The following IQCE variants were observed in gnomAD, a reference collection of about 807,000 sequenced individuals.
IQCE encodes the protein IQ motif containing E, also known as IQ domain-containing protein E.
A neutral mutation model predicts 96.0 loss-of-function variants in IQCE; 115 were observed. The observed-to-expected ratio is 1.20, with a 90% CI of 1.03 to 1.40. The LOEUF (loss-of-function observed/expected upper bound fraction) is 1.40. IQCE is among the 40% of genes most tolerant of loss of function. IQCE has a pLI of 0.00. For synonymous variants in IQCE, 412 were observed against 371.2 expected, an observed-to-expected ratio of 1.11 and a Z score of -1.26; for missense variants, 1,041 against 909.1, an observed-to-expected ratio of 1.15 and a Z score of -1.87.
chr7:2,607,276 G>C, intron 21 of IQCE, 49 bp downstream of exon 21: 2 of 1,611,718 alleles, frequency 1.2e-6, no homozygotes, highest in Non-Finnish European at 1.7e-6. Flanking sequence ...GGTCTGCTGA[G>C]GTCTCAGCCA....
At position 2,589,888 on chromosome 7, in the gene IQCE, A is replaced by T; in HGVS notation, c.1045-19A>T. 1 of 1,610,966 alleles carries T rather than the reference A, an allele frequency of 6.2e-7. No homozygotes were observed. The highest frequency in any genetic ancestry group is 8.5e-7 in the Non-Finnish European group (1 of 1,177,852). On this transcript the variant is annotated intron_variant, in intron 13 of 21. Transcript: ENST00000402050. The stretch of plus-strand genomic sequence containing the variant: ...AGAAATGAGAACTAGTATCTAACAC[A>T]TGTCTGTGTTGCCTCCAGAAACTAA...
At chr7:2,600,775 G>A (rs978000797) in intron 17 of IQCE, among the ~76,000 whole-genome samples, 4 of 152,204 alleles carry the variant, frequency 2.6e-5, no homozygotes, top group South Asian at 2.1e-4. Context: ...TCATCCGGCC[G>A]TGGTGGTCAT....
rs757021666 is a variant in IQCE at position 2,572,346 on chromosome 7, C to T, written c.394+20C>T. The T allele has an allele frequency of 9.9e-6, 16 of 1,611,280 alleles. No homozygotes were observed. In the South Asian group the frequency reaches 1.3e-4, roughly 13 times the overall value. ...GCAACGGTGAGCATGCCGATGGTGGCGAGGCTGAGGCCAAGGAAGAGCAGA... is the reference window on the plus strand; with the variant it reads ...GCAACGGTGAGCATGCCGATGGTGGTGAGGCTGAGGCCAAGGAAGAGCAGA... On this transcript the variant is annotated intron_variant, in intron 5 of 21. Transcript: ENST00000402050.
chr7:2,570,943 C>T (rs1781709799), intron 3 of IQCE, among the ~76,000 whole-genome samples: 1 of 152,182 alleles, frequency 6.6e-6, no homozygotes, highest in African/African-American at 2.4e-5. Flanking sequence ...ACACGCACAT[C>T]TCTCAAAATT....
intron 6 of IQCE, among the ~76,000 whole-genome samples, chr7:2,577,568 C>T (rs544943020): frequency 2.4e-5 from 3 of 123,718 alleles, no homozygotes; most frequent in South Asian, 5.2e-4. Context: ...CGCGCGGGGA[C>T]GTGTGTGCGG....
chr7:2,575,313 C>T (rs181287871), intron 6 of IQCE, among the ~76,000 whole-genome samples: 23 of 152,330 alleles, frequency 1.5e-4, no homozygotes, highest in Admixed American at 9.8e-4. Context: ...ACACCTGCAC[C>T]GGGAGGGGCT....
intron 3 of IQCE, 162 bp from the exon 4 acceptor site, chr7:2,571,364 G>C: frequency 1.2e-6 from 1 of 813,358 alleles, no homozygotes; most frequent in Non-Finnish European, 2.0e-6. Context: ...AGAAATGTCA[G>C]TATATAGGTA....
rs1186157015 is a variant in IQCE at position 2,584,679 on chromosome 7, C to G, written c.824+394C>G. 1.5e-5 allele frequency: 3 copies of G among 193,686 alleles called. No homozygotes were observed. The South Asian group carries it at 3.0e-4, about 19-fold the overall frequency. The allele number at this position is 193,686 out of a possible 1,614,324, so 12.0% of individuals were successfully genotyped here. On this transcript the variant is annotated intron_variant, in intron 11 of 21. Transcript: ENST00000402050. ...GTTTATCAGGAGAAACACCGAGGTT[C>G]TCCTTGTCTGGTAGATCTCCCACAT... is the stretch of plus-strand genomic sequence containing the variant.
intron 8 of IQCE, among the ~76,000 whole-genome samples, chr7:2,581,741 G>A (rs12700094): frequency 0.4 from 57,296 of 143,900 alleles, 11,640 homozygotes; most frequent in Middle Eastern, 0.44. Context: ...ATGGAGTCTC[G>A]CTCTGTCACC....
At chr7:2,588,757 C>T (rs1175678695) in intron 13 of IQCE, among the ~76,000 whole-genome samples, 2 of 145,650 alleles carry the variant, frequency 1.4e-5, no homozygotes, top group East Asian at 2.0e-4. Flanking sequence ...TTTTTGCCTC[C>T]TGGGTTCAGG....
rs575130642 is a variant in IQCE, at chr7:2,572,532, G to A, written c.394+206G>A. 5.3e-5 allele frequency among the ~76,000 whole-genome samples: 8 copies of A among 152,298 alleles called. No individual in the cohort carries two copies. In the South Asian group the frequency reaches 1.7e-3, roughly 32 times the overall value. On this transcript the variant is annotated intron_variant, in intron 5 of 21. Coordinates refer to ENST00000402050, the MANE Select transcript of IQCE (RefSeq NM_152558.5). ...CCTGCCCCAGAAGGTAGCTTTCCTC[G>A]TGGGTGCAGGGATATCTCGCCAGGT...
rs1274556546 is a variant in IQCE, at chr7:2,598,488, T to C, written c.1464T>C (p.Thr488=). Residue 488 remains threonine (T), a synonymous_variant, in exon 17 of 22, where the codon ACT becomes ACC. Coordinates refer to ENST00000402050, the MANE Select transcript of IQCE (RefSeq NM_152558.5). The part of the protein sequence containing the change: ...PHKAQELPAP[T]PSSRHCEQDW... The stretch of plus-strand genomic sequence containing the variant: ...AGGCCCAAGAGCTCCCAGCTCCCAC[T>C]CCCAGCAGCAGGCACTGCGAGCAAG... The C allele has an allele frequency of 6.3e-7, 1 of 1,594,084 alleles. No homozygotes were observed. Among genetic ancestry groups the C allele is most frequent in the Non-Finnish European group, 8.5e-7 (1 of 1,170,836 alleles).
chr7:2,600,324 G>A (rs967589171), intron 17 of IQCE, among the ~76,000 whole-genome samples: 1 of 152,218 alleles, frequency 6.6e-6, no homozygotes, highest in Non-Finnish European at 1.5e-5. Context: ...GGACGTGGAT[G>A]GACCAGGCCG....
intron 21 of IQCE, among the ~76,000 whole-genome samples, 197 bp from the exon 22 acceptor site, chr7:2,609,847 G>C (rs932818120): frequency 1.4e-4 from 22 of 152,006 alleles, no homozygotes; most frequent in African/African-American, 4.1e-4. Flanking sequence ...GTGTGAGTTG[G>C]TCCTGAGGGC....
rs1326389252 is a variant in IQCE at position 2,590,035 on chromosome 7, G to C, written c.1173G>C (p.Glu391Asp). The change falls in exon 14 of 22, where the codon GAG (glutamate) becomes GAC (aspartate). Residue 391 changes from glutamate (E) to aspartate (D), a missense_variant. Physicochemically the swap from Glu to Asp is conservative, Grantham distance 45. Transcript: ENST00000402050. ...GAGGGGACCGCAACAAGGACCACGA[G>C]CGTCTCCGAGGGGCTGTGAGAGACC... Reference protein sequence around the residue: ...QPRGDRNKDHERLRGAVRDLK... With the variant: ...QPRGDRNKDHDRLRGAVRDLK... The C allele has an allele frequency of 6.2e-7, 1 of 1,613,734 alleles. No homozygotes were observed. The highest frequency in any genetic ancestry group is 1.1e-5 in the South Asian group (1 of 91,084).
At chr7:2,609,984 G>T (rs1014512035) in intron 21 of IQCE, 60 bp from the exon 22 acceptor site, 4 of 927,346 alleles carry the variant, frequency 4.3e-6, no homozygotes, top group South Asian at 2.6e-5. Context: ...AAGGGTGTCC[G>T]TGGTGGCAGC....
chr7:2,583,588 C>A, intron 9 of IQCE, 49 bp from the exon 10 acceptor site: 2 of 1,422,298 alleles, frequency 1.4e-6, no homozygotes, highest in South Asian at 1.2e-5. Flanking sequence ...TTGCTCTGTC[C>A]CCTGGGAACG....
intron 14 of IQCE, among the ~76,000 whole-genome samples, chr7:2,592,589 A>G (rs1783689532): frequency 1.3e-5 from 2 of 152,228 alleles, no homozygotes; most frequent in Admixed American, 6.5e-5. Flanking sequence ...ACCGCATGGG[A>G]CGCAAGAAAC....
chr7:2,603,688 A>G (rs899863160), intron 18 of IQCE, among the ~76,000 whole-genome samples: 3 of 152,188 alleles, frequency 2.0e-5, no homozygotes, highest in Non-Finnish European at 4.4e-5. Context: ...CAGCCTCCAC[A>G]TGGTCACCAC....
Sources: allele counts gnomAD v4.1 joint callset (sites outside exome capture counted in the v4.1 genomes callset), GRCh38; gene constraint gnomAD v4.1.1; transcripts MANE v1.5; gene names NCBI Gene and HGNC (gene_info 2026-07-23, HGNC 2026-07-21).